The following NAA35 variants were observed in gnomAD, a reference collection of about 807,000 sequenced individuals.
NAA35 encodes MAK10 homolog, amino-acid N-acetyltransferase subunit.
In NAA35, 18 loss-of-function variants were observed where a neutral mutation model predicts 101.7. The observed-to-expected ratio is 0.18, with a 90% CI of 0.12 to 0.26. The LOEUF (loss-of-function observed/expected upper bound fraction) is 0.26, where lower values mean the gene tolerates loss of function less well. Ranked by LOEUF, NAA35 falls within the 10% of genes least tolerant of loss-of-function variation. The probability of loss-of-function intolerance (pLI) is 1.00; values close to 1 mark genes in which losing one functional copy is unlikely to be tolerated. For synonymous variants in NAA35, 267 were observed against 273.1 expected, an observed-to-expected ratio of 0.98 and a Z score of 0.22; for missense variants, 601 against 886.8, an observed-to-expected ratio of 0.68 and a Z score of 4.09.
chr9:85,998,210 G>A (rs574250639), intron 12 of NAA35, among the ~76,000 whole-genome samples: 12 of 152,212 alleles, frequency 7.9e-5, no homozygotes, highest in African/African-American at 1.9e-4. Flanking sequence ...CACTGTGCCC[G>A]GCCTTAAGTG....
chr9:85,985,156 G>A lies in NAA35; in HGVS notation c.877+6775G>A, dbSNP rs181806994. ...ATAAAAAAGATAATAAAAAGTGTTG[G>A]CAAGGATGTGGAGAAACTGGAGCCC... On this transcript the variant is annotated intron_variant, in intron 11 of 22. Coordinates refer to ENST00000361671, the MANE Select transcript of NAA35 (RefSeq NM_024635.4). Among the ~76,000 whole-genome samples the A allele has an allele frequency of 2.3e-3, 349 of 152,272 alleles. 2 individuals are homozygous for A. The highest frequency in any genetic ancestry group is 3.2e-3 in the Non-Finnish European group (220 of 68,018).
At chr9:86,002,720 T>C (rs1489121121) in intron 12 of NAA35, among the ~76,000 whole-genome samples, 1 of 152,204 alleles carries the variant, frequency 6.6e-6, no homozygotes, top group Non-Finnish European at 1.5e-5. Flanking sequence ...AGGTTCTTTT[T>C]TATGCCAGCT....
In NAA35 at chr9:86,021,981, A is replaced by G. The variant is rs1011590702; in HGVS notation, c.*21A>G. ...TTTGAGAGAGACTGGGGAGGTGGCC[A>G]TAAAGGGGCAGAGTCTTCTTTCAGA... On this transcript the variant is annotated 3_prime_UTR_variant, in exon 23 of 23. Coordinates refer to ENST00000361671, the MANE Select transcript of NAA35 (RefSeq NM_024635.4). 1.2e-6 allele frequency: 2 copies of G among 1,602,708 alleles called. No individual in the cohort carries two copies. Among genetic ancestry groups the G allele is most frequent in the African/African-American group, 1.3e-5 (1 of 74,626 alleles).
At chr9:85,992,873 T>C (rs1490407258) in intron 11 of NAA35, among the ~76,000 whole-genome samples, 1 of 152,222 alleles carries the variant, frequency 6.6e-6, no homozygotes, top group Non-Finnish European at 1.5e-5. Flanking sequence ...ACTATGTCTT[T>C]GTAGGAATAA....
At chr9:85,981,480 C>G (rs138652157) in intron 11 of NAA35, among the ~76,000 whole-genome samples, 1 of 152,268 alleles carries the variant, frequency 6.6e-6, no homozygotes, top group Non-Finnish European at 1.5e-5. Flanking sequence ...TGTAATCAAA[C>G]TCTGAGATGA....
chr9:86,004,057 G>A (rs1318514279), intron 13 of NAA35, among the ~76,000 whole-genome samples: 2 of 152,130 alleles, frequency 1.3e-5, no homozygotes, highest in Non-Finnish European at 2.9e-5. Flanking sequence ...AAATCTGTGA[G>A]ATACAAATAA....
rs1274405679 is a variant in NAA35, at chr9:85,943,729, T to G, written c.124+1446T>G. 2.6e-5 allele frequency among the ~76,000 whole-genome samples: 4 copies of G among 152,282 alleles called. No homozygotes were observed. The East Asian group carries it at 7.7e-4, about 29-fold the overall frequency. On this transcript the variant is annotated intron_variant, in intron 2 of 22. Transcript: ENST00000361671. The stretch of plus-strand genomic sequence containing the variant: ...TTATACCTGTCATCTTGCACTGATT[T>G]TAAGTAATCTCTATTAGGGGGCTGT...
chr9:85,944,071 G>A (rs563823918), intron 2 of NAA35, among the ~76,000 whole-genome samples: 1 of 152,172 alleles, frequency 6.6e-6, no homozygotes, highest in African/African-American at 2.4e-5. Context: ...TTGAAAGTTT[G>A]TTCCCCTTGA....
intron 6 of NAA35, among the ~76,000 whole-genome samples, chr9:85,966,124 A>G (rs1275028418): frequency 6.6e-6 from 1 of 152,022 alleles, no homozygotes; most frequent in Non-Finnish European, 1.5e-5. Context: ...TTTTTTTTGT[A>G]AAGACTGGGT....
chr9:85,962,934 G>C (rs1478732122), intron 6 of NAA35, among the ~76,000 whole-genome samples: 2 of 152,248 alleles, frequency 1.3e-5, no homozygotes, highest in Middle Eastern at 3.4e-3. Flanking sequence ...GTGAGTTTTA[G>C]AGATAGAAAG....
chr9:85,985,616 A>C (rs865929818), intron 11 of NAA35, among the ~76,000 whole-genome samples: 6 of 152,184 alleles, frequency 3.9e-5, no homozygotes, highest in African/African-American at 1.4e-4. Flanking sequence ...GTGATTGCTA[A>C]TGGGTATAGA....
chr9:85,958,073 C>G (rs776950294), intron 3 of NAA35, among the ~76,000 whole-genome samples: 10 of 151,992 alleles, frequency 6.6e-5, no homozygotes, highest in Non-Finnish European at 1.3e-4. Flanking sequence ...TCCCAAGTAG[C>G]TGGGATTACA....
chr9:86,021,314 A>C (rs1005708336), intron 22 of NAA35, among the ~76,000 whole-genome samples: 1 of 152,242 alleles, frequency 6.6e-6, no homozygotes, highest in Non-Finnish European at 1.5e-5. Flanking sequence ...TGCTTTAATA[A>C]TGAAAGACTT....
chr9:85,994,437 C>T (rs1485971608), intron 11 of NAA35, among the ~76,000 whole-genome samples: 4 of 152,142 alleles, frequency 2.6e-5, no homozygotes, highest in Non-Finnish European at 5.9e-5. Context: ...TATAATTCTA[C>T]AACTTTTTGT....
intron 17 of NAA35, 39 bp from the exon 18 acceptor site, chr9:86,016,500 T>G: frequency 6.3e-7 from 1 of 1,584,678 alleles, no homozygotes; most frequent in East Asian, 2.2e-5. Flanking sequence ...CTGTCTCATT[T>G]AGACATCTAC....
chr9:85,983,988 A>G (rs1199627594), intron 11 of NAA35, among the ~76,000 whole-genome samples: 1 of 151,852 alleles, frequency 6.6e-6, no homozygotes, highest in Non-Finnish European at 1.5e-5. Context: ...TAAACTAATA[A>G]AAGTTGTTCC....
intron 3 of NAA35, 89 bp from the exon 4 acceptor site, chr9:85,958,377 GTTATTA>G: frequency 4.6e-6 from 3 of 652,732 alleles, no homozygotes; most frequent in Non-Finnish European, 7.8e-6. Flanking sequence ...GAATACTTTA[GTTATTA>G]AAAGTAGTAT....
chr9:85,970,767 A>T (rs774694427), intron 6 of NAA35, among the ~76,000 whole-genome samples: 1 of 152,200 alleles, frequency 6.6e-6, no homozygotes, highest in Non-Finnish European at 1.5e-5. Flanking sequence ...AATGCTCCAG[A>T]TTAAAGGAGG....
rs1190054562 is a variant in NAA35 at position 86,025,038 on chromosome 9, C to T, written c.*3078C>T. On this transcript the variant is annotated 3_prime_UTR_variant, in exon 23 of 23. Coordinates refer to ENST00000361671, the MANE Select transcript of NAA35 (RefSeq NM_024635.4). ...AAAATCATACGAGGCCACTCTTTGA[C>T]AAGTGTGCCTGTTTCACCGTTTTGT... Among the ~76,000 whole-genome samples the T allele has an allele frequency of 6.6e-6, 1 of 152,218 alleles. No individual in the cohort carries two copies. The highest frequency in any genetic ancestry group is 6.5e-5 in the Admixed American group (1 of 15,290).
Sources: allele counts gnomAD v4.1 joint callset (sites outside exome capture counted in the v4.1 genomes callset), GRCh38; gene constraint gnomAD v4.1.1; transcripts MANE v1.5; gene names NCBI Gene and HGNC (gene_info 2026-07-23, HGNC 2026-07-21).